Variants in TENM2 observed in about 807,000 individuals in gnomAD.
TENM2 encodes teneurin-2.
A neutral mutation model predicts 245.2 loss-of-function variants in TENM2; 52 were observed. That is an observed-to-expected ratio of 0.21 (90% CI 0.17 to 0.27). The LOEUF (loss-of-function observed/expected upper bound fraction) is 0.27, where lower values mean the gene tolerates loss of function less well. Ranked by LOEUF, TENM2 falls within the 10% of genes least tolerant of loss-of-function variation. The pLI is 1.00. For missense variants in TENM2, 3,046 were observed against 3,666.8 expected, an observed-to-expected ratio of 0.83 and a Z score of 4.37; for synonymous variants, 1,363 against 1,438.9, an observed-to-expected ratio of 0.95 and a Z score of 1.19.
At chr5:168,049,389 A>G (rs565413329) in intron 6 of TENM2, among the ~76,000 whole-genome samples, 84 of 152,370 alleles carry the variant, frequency 5.5e-4, no homozygotes, top group Non-Finnish European at 1.0e-3. Context: ...ATGAATATGC[A>G]TATTCTATCA....
chr5:168,204,222 C>G, intron 18 of TENM2, 150 bp from the exon 21 acceptor site: 1 of 829,140 alleles, frequency 1.2e-6, no homozygotes, highest in Non-Finnish European at 1.8e-6. Context: ...ACCTCTCCCA[C>G]TGCAGCTCTC....
chr5:166,981,894 T>A, the TENM2 span, among the ~76,000 whole-genome samples: 1 of 152,206 alleles, frequency 6.6e-6, no homozygotes, highest in East Asian at 1.9e-4. Flanking sequence ...GTTAGATTAC[T>A]ATTCAAACAA....
chr5:167,071,285 T>G, the TENM2 span, among the ~76,000 whole-genome samples: 1 of 151,904 alleles, frequency 6.6e-6, no homozygotes, highest in Non-Finnish European at 1.5e-5. Flanking sequence ...TTCAAGAGAG[T>G]TTAAAGGATC....
the TENM2 span, among the ~76,000 whole-genome samples, chr5:167,171,700 C>T: frequency 6.6e-6 from 1 of 152,108 alleles, no homozygotes; most frequent in Non-Finnish European, 1.5e-5. Context: ...CAAGAAGGAC[C>T]GTGAAGACCC....
At chr5:168,213,143 T>C (rs1762913630) in intron 20 of TENM2, among the ~76,000 whole-genome samples, 2 of 152,132 alleles carry the variant, frequency 1.3e-5, no homozygotes, top group Non-Finnish European at 2.9e-5. Flanking sequence ...TTTGCATATA[T>C]GGATAGTCTC....
the TENM2 span, among the ~76,000 whole-genome samples, chr5:167,064,758 A>G: frequency 3.3e-5 from 5 of 152,224 alleles, no homozygotes; most frequent in East Asian, 1.9e-4. Context: ...TTTGATTACT[A>G]TGTTCGGTGC....
chr5:167,819,324 C>T (rs932330279), intron 2 of TENM2, among the ~76,000 whole-genome samples: 2 of 152,138 alleles, frequency 1.3e-5, no homozygotes, highest in Non-Finnish European at 2.9e-5. Context: ...TTGGAAGTGA[C>T]AGTCACTTAA....
At chr5:168,060,140 C>G (rs1789907473) in intron 6 of TENM2, among the ~76,000 whole-genome samples, 1 of 150,508 alleles carries the variant, frequency 6.6e-6, no homozygotes, top group South Asian at 2.1e-4. Flanking sequence ...GTAATCCCAG[C>G]ATTTTGGGAG....
chr5:167,530,263 A>G (rs1343297347), intron 2 of TENM2, among the ~76,000 whole-genome samples: 1 of 152,224 alleles, frequency 6.6e-6, no homozygotes, highest in African/African-American at 2.4e-5. Context: ...AACTTGAGAA[A>G]GACTGTTCTA....
At chr5:167,145,988 C>T in the TENM2 span, among the ~76,000 whole-genome samples, 3 of 152,052 alleles carry the variant, frequency 2.0e-5, no homozygotes, top group Admixed American at 1.3e-4. Context: ...GGGTGGAACT[C>T]CCCGTGACAG....
chr5:167,942,817 C>G (rs1263090402), intron 3 of TENM2, among the ~76,000 whole-genome samples: 1 of 152,120 alleles, frequency 6.6e-6, no homozygotes, highest in Non-Finnish European at 1.5e-5. Context: ...TTGAAAGAAA[C>G]CAGTAAACAA....
chr5:167,490,044 G>A (rs570245766), intron 2 of TENM2, among the ~76,000 whole-genome samples: 1 of 152,124 alleles, frequency 6.6e-6, no homozygotes, highest in East Asian at 1.9e-4. Flanking sequence ...TATTATCTTA[G>A]CATTACTTTT....
chr5:167,782,844 C>G lies in TENM2; in HGVS notation c.503-93142C>G, dbSNP rs190908468. Among the ~76,000 whole-genome samples, 184 of 152,244 alleles carry G rather than the reference C, an allele frequency of 1.2e-3. 6 individuals carry two copies. The highest frequency in any genetic ancestry group is 0.012 in the Admixed American group (182 of 15,292). ...GGGAAGGCTGCTTTGGATTAAAAAG[C>G]AAATGTAGGTGAGACTATCAGGCAG... On this transcript the variant is annotated intron_variant, in intron 2 of 28. Coordinates refer to ENST00000518659, the Ensembl canonical transcript of TENM2.
At chr5:167,189,479 TTTC>T in the TENM2 span, among the ~76,000 whole-genome samples, 37 of 149,946 alleles carry the variant, frequency 2.5e-4, no homozygotes, top group Non-Finnish European at 5.2e-4. Flanking sequence ...CTTTCTCTCT[TTTC>T]TTTTCTTTTT....
the TENM2 span, among the ~76,000 whole-genome samples, chr5:166,992,794 G>T: frequency 6.6e-6 from 1 of 152,194 alleles, no homozygotes; most frequent in Admixed American, 6.5e-5. Context: ...GAGCCTGACA[G>T]AAGTATTTCA....
chr5:167,279,514 T>TTCCCTTCCCTTCCTTCC, the TENM2 span, among the ~76,000 whole-genome samples: 2 of 98,212 alleles, frequency 2.0e-5, no homozygotes, highest in Admixed American at 1.2e-4. Flanking sequence ...CCTTCCTTCC[T>TTCCCTTCCCTTCCTTCC]TTCCTTCCTT....
the TENM2 span, among the ~76,000 whole-genome samples, chr5:167,201,796 A>C: frequency 6.6e-6 from 1 of 152,156 alleles, no homozygotes; most frequent in Non-Finnish European, 1.5e-5. Context: ...AATAATACAC[A>C]GTGTCTTGGA....
At chr5:167,649,027 A>G (rs1780162029) in intron 2 of TENM2, among the ~76,000 whole-genome samples, 1 of 152,128 alleles carries the variant, frequency 6.6e-6, no homozygotes, top group African/African-American at 2.4e-5. Context: ...TTGGTAGTGA[A>G]ATGATGACTT....
At chr5:167,066,629 A>T in the TENM2 span, among the ~76,000 whole-genome samples, 2 of 145,880 alleles carry the variant, frequency 1.4e-5, no homozygotes, top group Non-Finnish European at 3.0e-5. Context: ...AGAATTTTAT[A>T]TATGTCCTTA....
Sources: allele counts gnomAD v4.1 joint callset (sites outside exome capture counted in the v4.1 genomes callset), GRCh38; gene constraint gnomAD v4.1.1; transcripts MANE v1.5; gene names NCBI Gene and HGNC (gene_info 2026-07-23, HGNC 2026-07-21).